Variants in PRKCA observed in about 807,000 individuals in gnomAD.
PRKCA encodes the protein protein kinase C alpha type.
A neutral mutation model predicts 87.0 loss-of-function variants in PRKCA; 27 were observed. The observed-to-expected ratio is 0.31, with a 90% confidence interval of 0.23 to 0.43. The LOEUF (loss-of-function observed/expected upper bound fraction) is 0.43. Among genes scored for constraint, PRKCA ranks in the 20% least tolerant of loss-of-function variants. The pLI, the probability that PRKCA is intolerant of heterozygous loss-of-function variation, is 1.00. For missense variants in PRKCA, 518 were observed against 852.3 expected, an observed-to-expected ratio of 0.61 and a Z score of 4.88; for synonymous variants, 329 against 311.1, an observed-to-expected ratio of 1.06 and a Z score of -0.61.
Position 66,622,170 on chromosome 17 carries a change from C to CAG in PRKCA, c.289-19177_289-19176dup, listed in dbSNP as rs201042640. 6.7e-3 allele frequency among the ~76,000 whole-genome samples: 1,024 copies of CAG among 152,246 alleles called. 14 individuals carry two copies. Among genetic ancestry groups the CAG allele is most frequent in the African/African-American group, 0.021 (874 of 41,540 alleles). ...TACCACTGCACTTCAGCCTGGGTGC[C>CAG]AGAGAGAGACCTTGTCTGTCAAAGA... On this transcript the variant is annotated intron_variant, in intron 3 of 16. Coordinates refer to ENST00000413366, the MANE Select transcript of PRKCA (RefSeq NM_002737.3).
At chr17:66,644,624 T>C (rs2143816074) in intron 4 of PRKCA, among the ~76,000 whole-genome samples, 1 of 152,332 alleles carries the variant, frequency 6.6e-6, no homozygotes, top group African/African-American at 2.4e-5. Flanking sequence ...TTACTTGGAA[T>C]GGTATTTAAA....
At position 66,570,630 on chromosome 17, in the gene PRKCA, C is replaced by G. The variant is rs746299220; in HGVS notation, c.289-70725C>G. Among the ~76,000 whole-genome samples the G allele has an allele frequency of 4.6e-5, 7 of 152,266 alleles. 1 individual carries two copies. The South Asian group carries it at 1.0e-3, about 23-fold the overall frequency. Reference sequence around the variant, plus strand: ...CTTTCTTAGGGTGTGAAAGACTCTGCTTTAGCTCTTTTTCGGGCTTTTCTG... The same window carrying G: ...CTTTCTTAGGGTGTGAAAGACTCTGGTTTAGCTCTTTTTCGGGCTTTTCTG... On this transcript the variant is annotated intron_variant, in intron 3 of 16. Coordinates refer to ENST00000413366, the MANE Select transcript of PRKCA (RefSeq NM_002737.3).
chr17:66,377,245 G>A (rs935832407), intron 2 of PRKCA, among the ~76,000 whole-genome samples: 1 of 151,876 alleles, frequency 6.6e-6, no homozygotes, highest in Non-Finnish European at 1.5e-5. Flanking sequence ...GGCTGGGCTC[G>A]AACTCTTGAC....
At chr17:66,309,404 G>A (rs188835551) in intron 2 of PRKCA, among the ~76,000 whole-genome samples, 1 of 152,262 alleles carries the variant, frequency 6.6e-6, no homozygotes, top group East Asian at 1.9e-4. Flanking sequence ...TCTCTGGAGA[G>A]ACTTATTGGC....
At chr17:66,406,490 A>G (rs1320529852) in intron 2 of PRKCA, among the ~76,000 whole-genome samples, 1 of 151,662 alleles carries the variant, frequency 6.6e-6, no homozygotes, top group South Asian at 2.1e-4. Flanking sequence ...TTTCTGTATC[A>G]TGCCTGGAAA....
chr17:66,460,437 C>T (rs117378079), intron 2 of PRKCA, among the ~76,000 whole-genome samples: 113 of 152,322 alleles, frequency 7.4e-4, no homozygotes, highest in Admixed American at 2.1e-3. Flanking sequence ...CGAAGGCGTG[C>T]CACCTCCTGT....
At chr17:66,692,117 G>A (rs998740624) in intron 8 of PRKCA, among the ~76,000 whole-genome samples, 1 of 152,232 alleles carries the variant, frequency 6.6e-6, no homozygotes, top group African/African-American at 2.4e-5. Context: ...GCCCAAGGCT[G>A]TGAGCATCCT....
intron 2 of PRKCA, among the ~76,000 whole-genome samples, chr17:66,467,970 G>A (rs1449113561): frequency 2.0e-5 from 3 of 151,940 alleles, no homozygotes; most frequent in African/African-American, 7.2e-5. Flanking sequence ...CTTGCTGATA[G>A]TTCCACTTTC....
intron 13 of PRKCA, among the ~76,000 whole-genome samples, chr17:66,764,213 T>A (rs996393090): frequency 5.9e-5 from 9 of 152,234 alleles, no homozygotes; most frequent in Non-Finnish European, 1.2e-4. Context: ...TCTCGGCACA[T>A]GCCTACTGTG....
intron 14 of PRKCA, among the ~76,000 whole-genome samples, chr17:66,779,576 C>T (rs1371894565): frequency 2.0e-5 from 3 of 152,122 alleles, no homozygotes; most frequent in East Asian, 1.9e-4. Context: ...CCCAGGTTTC[C>T]GTGATTTGCA....
intron 3 of PRKCA, among the ~76,000 whole-genome samples, chr17:66,552,987 C>CTT (rs765136264): frequency 1.0e-5 from 1 of 97,202 alleles, no homozygotes; most frequent in Non-Finnish European, 2.0e-5. Flanking sequence ...TGAATATTTT[C>CTT]TTTTTTTTTT....
chr17:66,658,175 C>A (rs1178501516), intron 5 of PRKCA, among the ~76,000 whole-genome samples: 1 of 152,016 alleles, frequency 6.6e-6, no homozygotes, highest in Admixed American at 6.6e-5. Flanking sequence ...AGGGGAAAGC[C>A]CCTTATAAAA....
rs1479067138 is a variant in PRKCA at position 66,587,830 on chromosome 17, CGT to C, written c.289-53524_289-53523del. On this transcript the variant is annotated intron_variant, in intron 3 of 16. Transcript: ENST00000413366. ...GTGTGTGTATATGTATACATATATA[CGT>C]ATATGTGTGTATCTACATATACATA... 2.5e-5 allele frequency among the ~76,000 whole-genome samples: 2 copies of C among 80,006 alleles called. 1 individual carries two copies. Among genetic ancestry groups the C allele is most frequent in the African/African-American group, 8.9e-5 (2 of 22,588 alleles). The allele number at this position is 80,006 out of a possible 152,430, so 52.5% of individuals were successfully genotyped here. A position where few individuals can be genotyped will look rare whatever the true frequency, so the allele number is the denominator to read the frequency against.
chr17:66,676,879 A>G (rs1249993272), intron 5 of PRKCA: 2 of 152,002 alleles, frequency 1.3e-5, no homozygotes, highest in East Asian at 3.9e-4. Flanking sequence ...CCAGCCCAGA[A>G]CCCCTTCCTT....
chr17:66,414,407 C>A (rs1912011473), intron 2 of PRKCA, among the ~76,000 whole-genome samples: 1 of 152,194 alleles, frequency 6.6e-6, no homozygotes, highest in African/African-American at 2.4e-5. Context: ...TGTAAGTTCC[C>A]TGAGGCCTCC....
At chr17:66,626,410 G>T (rs1226691931) in intron 3 of PRKCA, among the ~76,000 whole-genome samples, 4 of 149,376 alleles carry the variant, frequency 2.7e-5, no homozygotes, top group Non-Finnish European at 5.9e-5. Flanking sequence ...CACCCAGGCT[G>T]GAGTGTAGTG....
intron 3 of PRKCA, among the ~76,000 whole-genome samples, chr17:66,593,715 A>G (rs962198383): frequency 2.3e-4 from 35 of 152,352 alleles, no homozygotes; most frequent in African/African-American, 7.2e-4. Flanking sequence ...AACTGTTCCA[A>G]TGTTCTGCCC....
chr17:66,604,205 A>G (rs1288893102), intron 3 of PRKCA, among the ~76,000 whole-genome samples: 1 of 152,148 alleles, frequency 6.6e-6, no homozygotes, highest in African/African-American at 2.4e-5. Flanking sequence ...TAATAGCTCT[A>G]AATAAGAACT....
chr17:66,719,583 A>G (rs1166102723), intron 8 of PRKCA, among the ~76,000 whole-genome samples: 2 of 152,206 alleles, frequency 1.3e-5, no homozygotes, highest in African/African-American at 4.8e-5. Flanking sequence ...CCTGGCCAAC[A>G]TGGTGAAACC....
Sources: gnomAD v4.1 joint callset for allele counts (sites outside exome capture counted in the v4.1 genomes callset) on GRCh38, gnomAD v4.1.1 for gene constraint, MANE v1.5 for transcripts, NCBI Gene and HGNC (gene_info 2026-07-23, HGNC 2026-07-21) for gene names.